PRKACB: variants seen among roughly 807,000 people sequenced by gnomAD.
The protein encoded by PRKACB is protein kinase cAMP-activated catalytic subunit beta, also known as cAMP-dependent protein kinase catalytic subunit beta.
PRKACB carries 16 observed loss-of-function variants against 51.4 expected under a neutral mutation model. The observed-to-expected ratio is 0.31, with a 90% confidence interval of 0.21 to 0.47. The LOEUF is 0.47. Among genes scored for constraint, PRKACB ranks in the 20% least tolerant of loss-of-function variants. The probability of loss-of-function intolerance (pLI) is 1.00; values close to 1 mark genes in which losing one functional copy is unlikely to be tolerated. For synonymous variants in PRKACB, 147 were observed against 154.4 expected, an observed-to-expected ratio of 0.95 and a Z score of 0.35; for missense variants, 309 against 464.5, an observed-to-expected ratio of 0.67 and a Z score of 3.08.
intron 1 of PRKACB, among the ~76,000 whole-genome samples, chr1:84,121,375 T>C (rs780336772): frequency 6.6e-6 from 1 of 152,110 alleles, no homozygotes; most frequent in Non-Finnish European, 1.5e-5. Flanking sequence ...TATACATTCA[T>C]GTATTATACA....
intron 1 of PRKACB, among the ~76,000 whole-genome samples, chr1:84,091,317 A>G (rs1648452195): frequency 6.6e-6 from 1 of 152,184 alleles, no homozygotes; most frequent in Non-Finnish European, 1.5e-5. Context: ...TGGTCTGCAT[A>G]TTAATATTTA....
chr1:84,144,405 C>T lies in PRKACB; in HGVS notation c.44C>T (p.Thr15Ile). The change falls in exon 1 of 10, where the codon ACA becomes ATA. Residue 15 changes from threonine (T) to isoleucine (I), a missense_variant. By Grantham distance (89) the Thr-to-Ile change is moderately conservative (BLOSUM62 -1). This residue lies in a region of PRKACB where 153 missense variants were observed against 190.2 expected (regional missense o/e 0.80). Transcript: ENST00000370685. ...REPPCNQYTG[T>I]TTALQKLEGF... Reference sequence around the variant, plus strand: ...CCACCTTGTAACCAGTATACAGGTACAACTACAGCTCTTCAGAAATTGGAA... The same window carrying T: ...CCACCTTGTAACCAGTATACAGGTATAACTACAGCTCTTCAGAAATTGGAA... 6.2e-7 allele frequency: 1 copy of T among 1,613,368 alleles called. No individual in the cohort carries two copies.
intron 2 of PRKACB, among the ~76,000 whole-genome samples, chr1:84,180,213 T>TATATATATATATATATATATATC (rs1159141151): frequency 8.1e-6 from 1 of 123,154 alleles, no homozygotes; most frequent in Non-Finnish European, 1.8e-5. Context: ...TATATATGTA[T>TATATATATATATATATATATATC]GATGGAGTAC....
intron 9 of PRKACB, among the ~76,000 whole-genome samples, chr1:84,233,917 C>A (rs1377853894): frequency 2.0e-5 from 3 of 151,352 alleles, no homozygotes; most frequent in Non-Finnish European, 4.4e-5. Context: ...CTCAGCTCGT[C>A]AAAGTCATTC....
At chr1:84,228,229 G>A (rs1674966576) in intron 9 of PRKACB, among the ~76,000 whole-genome samples, 1 of 152,144 alleles carries the variant, frequency 6.6e-6, no homozygotes, top group Non-Finnish European at 1.5e-5. Context: ...TAAATAAATT[G>A]TAAGTAAATA....
At chr1:84,121,127 T>C (rs1651028549) in intron 1 of PRKACB, among the ~76,000 whole-genome samples, 1 of 152,118 alleles carries the variant, frequency 6.6e-6, no homozygotes, top group Admixed American at 6.6e-5. Context: ...ATTCTCTTGA[T>C]TAATTACATT....
At chr1:84,213,540 A>T (rs1672438728) in intron 8 of PRKACB, among the ~76,000 whole-genome samples, 1 of 152,176 alleles carries the variant, frequency 6.6e-6, no homozygotes, top group Non-Finnish European at 1.5e-5. Flanking sequence ...AGTCTTCACA[A>T]TTTAGTAGGT....
chr1:84,191,825 C>A (rs1666887159), intron 5 of PRKACB, among the ~76,000 whole-genome samples: 1 of 151,924 alleles, frequency 6.6e-6, no homozygotes, highest in South Asian at 2.1e-4. Context: ...CTCTCTGAAT[C>A]TAAAATATAA....
upstream of PRKACB, among the ~76,000 whole-genome samples, chr1:84,143,223 A>G (rs1033662824): frequency 8.5e-5 from 13 of 152,174 alleles, no homozygotes; most frequent in African/African-American, 3.1e-4. Flanking sequence ...AGGCGGGCGT[A>G]TCGCTTGAGG....
At chr1:84,170,878 A>G (rs985157220) in intron 1 of PRKACB, among the ~76,000 whole-genome samples, 5 of 151,798 alleles carry the variant, frequency 3.3e-5, no homozygotes, top group Admixed American at 6.6e-5. Flanking sequence ...ATAGATATAG[A>G]TAGAGAATTC....
intron 1 of PRKACB, among the ~76,000 whole-genome samples, chr1:84,169,680 T>A (rs1658747822): frequency 6.6e-6 from 1 of 151,814 alleles, no homozygotes; most frequent in East Asian, 1.9e-4. Context: ...AGATATGATT[T>A]ATAGAACAGA....
rs148645096 is a variant in PRKACB, at chr1:84,202,334, C to T, written c.784-349C>T. 6.9e-3 allele frequency among the ~76,000 whole-genome samples: 1,048 copies of T among 152,020 alleles called. 8 individuals are homozygous for T. Among genetic ancestry groups the T allele is most frequent in the Non-Finnish European group, 0.012 (829 of 67,882 alleles). On this transcript the variant is annotated intron_variant, in intron 7 of 9. Coordinates refer to ENST00000370685, the MANE Select transcript of PRKACB (RefSeq NM_182948.4). ...CATAAGATTATGGACCTAGAGTGGG[C>T]CTTAAGAAGTAATGTGGTCTAACTG...
In PRKACB at chr1:84,159,590, A is replaced by G. The variant is rs889914495; in HGVS notation, c.187+15042A>G. On this transcript the variant is annotated intron_variant, in intron 1 of 9. Transcript: ENST00000370685. ...ATTTCTTCTTTATCCTTTAATATCT[A>G]TTTTCTTGCCTCATTGCACTGGCTA... Among the ~76,000 whole-genome samples, 5 of 152,118 alleles carry G rather than the reference A, an allele frequency of 3.3e-5. No individual in the cohort carries two copies. The South Asian group carries it at 6.2e-4, about 19-fold the overall frequency.
intron 9 of PRKACB, among the ~76,000 whole-genome samples, chr1:84,232,671 CT>C (rs1309746263): frequency 3.9e-5 from 6 of 152,108 alleles, no homozygotes; most frequent in African/African-American, 1.4e-4. Flanking sequence ...ATGTAATGGC[CT>C]TTTTTGACTC....
chr1:84,224,803 G>A (rs1045413056), intron 9 of PRKACB, among the ~76,000 whole-genome samples: 2 of 152,184 alleles, frequency 1.3e-5, no homozygotes, highest in African/African-American at 2.4e-5. Context: ...AGCAAGCAGG[G>A]TGGATGGATC....
intron 1 of PRKACB, chr1:84,164,537 A>T (rs1246059240): frequency 6.8e-7 from 1 of 1,460,274 alleles, no homozygotes; most frequent in African/African-American, 1.4e-5. Flanking sequence ...CTCTAAAATA[A>T]AAAGGTATTT....
intron 1 of PRKACB, among the ~76,000 whole-genome samples, chr1:84,167,155 A>G (rs1415372647): frequency 1.3e-5 from 2 of 151,742 alleles, no homozygotes; most frequent in South Asian, 4.1e-4. Flanking sequence ...CAATCCTATT[A>G]TAATAACTGC....
intron 1 of PRKACB, among the ~76,000 whole-genome samples, chr1:84,122,501 C>T (rs1233030854): frequency 6.6e-6 from 1 of 152,034 alleles, no homozygotes; most frequent in Non-Finnish European, 1.5e-5. Context: ...GCTAATCTGC[C>T]ATATATTAAG....
intron 7 of PRKACB, 39 bp from the exon 8 acceptor site, chr1:84,202,644 A>G: frequency 6.5e-7 from 1 of 1,547,754 alleles, no homozygotes; most frequent in South Asian, 1.2e-5. Flanking sequence ...CTTTTGAGTA[A>G]CTTAAGTAAC....
Sources: gnomAD v4.1 joint callset for allele counts (sites outside exome capture counted in the v4.1 genomes callset) on GRCh38, gnomAD v4.1.1 for gene constraint, gnomAD v4.1.1 regional missense constraint, MANE v1.5 for transcripts, NCBI Gene and HGNC (gene_info 2026-07-23, HGNC 2026-07-21) for gene names.